Variants in NAV3 observed in about 807,000 individuals in gnomAD.
The protein encoded by NAV3 is pore membrane and/or filament interacting like protein 1.
Under a neutral mutation model 244.7 loss-of-function variants are expected in NAV3, and 87 were observed. The ratio of observed to expected loss-of-function variants is 0.36; its 90% CI spans 0.30 to 0.42. NAV3 has a LOEUF of 0.42. Among genes scored for constraint, NAV3 ranks in the 20% least tolerant of loss-of-function variants. NAV3 has a pLI of 1.00. For synonymous variants in NAV3, 1,126 were observed against 1,042.2 expected (o/e 1.08, Z -1.55); for missense variants, 2,663 against 2,893.3 (o/e 0.92, Z 1.83).
chr12:78,040,547 T>C (rs1880681837), intron 9 of NAV3, among the ~76,000 whole-genome samples: 1 of 152,132 alleles, frequency 6.6e-6, no homozygotes, highest in South Asian at 2.1e-4. Flanking sequence ...AAAATTAATA[T>C]GAAAAGATGG....
chr12:77,708,458 T>C (rs1875942241), intron 2 of NAV3, among the ~76,000 whole-genome samples: 1 of 152,236 alleles, frequency 6.6e-6, no homozygotes, highest in Non-Finnish European at 1.5e-5. Flanking sequence ...TTGGTTACTG[T>C]AGCCTTGTAG....
chr12:78,200,818 A>G (rs1290260153), intron 38 of NAV3, among the ~76,000 whole-genome samples: 6 of 152,056 alleles, frequency 3.9e-5, no homozygotes, highest in Non-Finnish European at 7.4e-5. Context: ...ACAACTATAC[A>G]TTTAAGTCCA....
chr12:77,943,427 G>A (rs1468439685), intron 3 of NAV3, among the ~76,000 whole-genome samples: 3 of 152,166 alleles, frequency 2.0e-5, no homozygotes, highest in African/African-American at 7.2e-5. Flanking sequence ...AGATGTGGTT[G>A]AATTTTGAAT....
rs186720814 is a variant in NAV3 at position 77,626,948 on chromosome 12, T to C, written c.72+54682T>C. Among the ~76,000 whole-genome samples the C allele has an allele frequency of 2.0e-4, 31 of 151,984 alleles. 1 individual carries two copies. Among genetic ancestry groups the C allele is most frequent in the African/African-American group, 7.5e-4 (31 of 41,484 alleles). Reference sequence around the variant, plus strand: ...GATATCACTACATAAACATACCAAATGGTAAAGCCAAACAATAAAAGAAAA... The same window carrying C: ...GATATCACTACATAAACATACCAAACGGTAAAGCCAAACAATAAAAGAAAA... On this transcript the variant is annotated intron_variant, in intron 2 of 8. Transcript: ENST00000550042.
chr12:77,638,932 C>T (rs1222591517), intron 2 of NAV3, among the ~76,000 whole-genome samples: 2 of 152,112 alleles, frequency 1.3e-5, no homozygotes, highest in African/African-American at 4.8e-5. Context: ...TTATTTGGAA[C>T]CATGGTATGT....
At chr12:77,851,765 T>G (rs1877564914) in intron 1 of NAV3, among the ~76,000 whole-genome samples, 1 of 152,210 alleles carries the variant, frequency 6.6e-6, no homozygotes, top group Admixed American at 6.5e-5. Context: ...TTCCCTAGAA[T>G]GTTTAAAGCA....
intron 1 of NAV3, among the ~76,000 whole-genome samples, chr12:77,832,226 C>G (rs1020286249): frequency 2.0e-5 from 3 of 152,152 alleles, no homozygotes; most frequent in Non-Finnish European, 2.9e-5. Flanking sequence ...TTCCTTGATA[C>G]TGCACATTTA....
At chr12:77,610,100 G>A (rs1870846265) in intron 2 of NAV3, among the ~76,000 whole-genome samples, 1 of 151,882 alleles carries the variant, frequency 6.6e-6, no homozygotes, top group Non-Finnish European at 1.5e-5. Context: ...AATCTCACAA[G>A]GCGTTCTTGA....
intron 2 of NAV3, among the ~76,000 whole-genome samples, chr12:77,579,321 A>G (rs1315345791): frequency 6.6e-6 from 1 of 152,240 alleles, no homozygotes; most frequent in African/African-American, 2.4e-5. Flanking sequence ...AATACATTGA[A>G]AAGAAGTGGT....
chr12:78,141,405 A>G (rs1203549159), intron 20 of NAV3, among the ~76,000 whole-genome samples: 2 of 152,192 alleles, frequency 1.3e-5, no homozygotes, highest in Non-Finnish European at 2.9e-5. Context: ...AGCCTACTGA[A>G]TCTCAATGGG....
At chr12:77,968,486 T>A (rs759100436) in intron 4 of NAV3, 33 bp from the exon 5 acceptor site, 1 of 1,527,914 alleles carries the variant, frequency 6.5e-7, no homozygotes, top group Non-Finnish European at 9.1e-7. Flanking sequence ...TAAATACATA[T>A]GATTCTTTTT....
chr12:77,819,880 A>G (rs944381136), intron 2 of NAV3, among the ~76,000 whole-genome samples: 2 of 152,206 alleles, frequency 1.3e-5, no homozygotes, highest in African/African-American at 4.8e-5. Context: ...AAAACCAATA[A>G]GCAGGGTATA....
At chr12:77,766,735 G>GTTTGTTTGTTTTTTTT (rs1555202961) in intron 2 of NAV3, among the ~76,000 whole-genome samples, 10 of 60,514 alleles carry the variant, frequency 1.7e-4, no homozygotes, top group Non-Finnish European at 3.0e-4. Flanking sequence ...AGGCAATTAA[G>GTTTGTTTGTTTTTTTT]TTTTTTTTTT....
At chr12:77,683,214 T>A (rs556508145) in intron 2 of NAV3, among the ~76,000 whole-genome samples, 55 of 152,316 alleles carry the variant, frequency 3.6e-4, no homozygotes, top group Admixed American at 1.5e-3. Flanking sequence ...GAGGGTCTAA[T>A]TTCATTCTTT....
chr12:77,622,807 T>C (rs1022786056), intron 2 of NAV3, among the ~76,000 whole-genome samples: 13 of 152,194 alleles, frequency 8.5e-5, no homozygotes, highest in African/African-American at 2.9e-4. Flanking sequence ...TATAAATGTA[T>C]ATCTATAACT....
At chr12:77,724,273 C>A (rs1245307479) in intron 2 of NAV3, among the ~76,000 whole-genome samples, 1 of 151,786 alleles carries the variant, frequency 6.6e-6, no homozygotes, top group Non-Finnish European at 1.5e-5. Context: ...GTTGATTATG[C>A]TTTTTCTGTA....
At chr12:77,841,771 G>A (rs942365791) in intron 1 of NAV3, among the ~76,000 whole-genome samples, 1 of 152,040 alleles carries the variant, frequency 6.6e-6, no homozygotes, top group African/African-American at 2.4e-5. Flanking sequence ...CATATATATG[G>A]TAACAAAGAA....
chr12:77,739,328 G>A (rs1868286310), intron 2 of NAV3, among the ~76,000 whole-genome samples: 1 of 152,092 alleles, frequency 6.6e-6, no homozygotes, highest in Admixed American at 6.5e-5. Context: ...AAAAAAGATA[G>A]TATATATTTT....
At chr12:77,854,955 G>C (rs966635738) in intron 1 of NAV3, among the ~76,000 whole-genome samples, 2 of 151,896 alleles carry the variant, frequency 1.3e-5, no homozygotes, top group Non-Finnish European at 2.9e-5. Context: ...ATGAAACCCC[G>C]TCTCTACTAA....
Sources: gnomAD v4.1 joint callset for allele counts (sites outside exome capture counted in the v4.1 genomes callset) on GRCh38, gnomAD v4.1.1 for gene constraint, MANE v1.5 for transcripts, NCBI Gene and HGNC (gene_info 2026-07-23, HGNC 2026-07-21) for gene names.